Variants in PCDHGA7 observed in about 807,000 individuals in gnomAD.
PCDHGA7 encodes protocadherin gamma subfamily A, 7.
In PCDHGA7, 44 loss-of-function variants were observed where a neutral mutation model predicts 58.3. That is an observed-to-expected ratio of 0.75 (90% CI 0.59 to 0.97). The LOEUF is 0.97. Among genes scored for constraint, PCDHGA7 ranks in the 50% least tolerant of loss-of-function variants. PCDHGA7 has a pLI of 0.00. For missense variants in PCDHGA7, 1,266 were observed against 1,188.7 expected, an observed-to-expected ratio of 1.06 and a Z score of -0.96; for synonymous variants, 516 against 504.2, an observed-to-expected ratio of 1.02 and a Z score of -0.31.
At chr5:141,422,781 A>C (rs746943605) in intron 1 of PCDHGA7, 13 of 1,613,964 alleles carry the variant, frequency 8.1e-6, no homozygotes, top group African/African-American at 1.3e-5. Flanking sequence ...TCTATGCCCT[A>C]CAATCCTTCG....
chr5:141,509,572 G>T (rs955898202), intron 3 of PCDHGA7, among the ~76,000 whole-genome samples: 24 of 152,300 alleles, frequency 1.6e-4, no homozygotes, highest in Middle Eastern at 3.4e-3. Context: ...CCTTCACAGT[G>T]CGTACAAATC....
At chr5:141,427,700 C>A in intron 1 of PCDHGA7, 3 of 945,490 alleles carry the variant, frequency 3.2e-6, no homozygotes, top group South Asian at 2.7e-5. Flanking sequence ...TCCCACAAGT[C>A]AGCGCCTCTG....
At position 141,383,343 on chromosome 5, in the gene PCDHGA7, T is replaced by TG. The variant is rs760440635; in HGVS notation, c.448dup (p.Val150GlyfsTer39). ...TAAAAATAATGGAGAATACAGCTCC[T>TG]GGGGTTCGGTTTCCGTTAAGCGAGG... is the stretch of plus-strand genomic sequence containing the variant. On this transcript the variant is annotated frameshift_variant, in exon 1 of 4. Transcript: ENST00000518325. LOFTEE classifies it high-confidence loss of function. The TG allele has an allele frequency of 1.2e-6, 2 of 1,613,888 alleles. No homozygotes were observed. The highest frequency in any genetic ancestry group is 1.7e-6 in the Non-Finnish European group (2 of 1,179,908).
At chr5:141,421,829 T>G in intron 1 of PCDHGA7, 5 of 1,613,784 alleles carry the variant, frequency 3.1e-6, no homozygotes, top group Non-Finnish European at 4.2e-6. Context: ...GAGGGAAGCC[T>G]GGACCGAGAG....
intron 1 of PCDHGA7, among the ~76,000 whole-genome samples, chr5:141,444,476 C>A (rs1228271706): frequency 6.6e-6 from 1 of 152,088 alleles, no homozygotes; most frequent in Non-Finnish European, 1.5e-5. Flanking sequence ...CGGTCGCGTA[C>A]TGGATTTATA....
chr5:141,426,711 G>C, intron 1 of PCDHGA7: 1 of 444,496 alleles, frequency 2.2e-6, no homozygotes, highest in Non-Finnish European at 4.6e-6. Flanking sequence ...ACAAATCAAT[G>C]AACTAGCAAT....
At chr5:141,502,739 A>C (rs1287180048) in intron 2 of PCDHGA7, among the ~76,000 whole-genome samples, 1 of 152,070 alleles carries the variant, frequency 6.6e-6, no homozygotes, top group Non-Finnish European at 1.5e-5. Flanking sequence ...ATGTTCTGTC[A>C]TTCCTTCTAC....
intron 1 of PCDHGA7, chr5:141,416,834 C>T (rs966016844): frequency 4.6e-5 from 7 of 151,848 alleles, no homozygotes; most frequent in Non-Finnish European, 1.0e-4. Flanking sequence ...TTCTCAAGAC[C>T]CTTATAATTC....
intron 1 of PCDHGA7, among the ~76,000 whole-genome samples, chr5:141,449,753 C>T (rs1260240861): frequency 6.6e-6 from 1 of 151,246 alleles, no homozygotes; most frequent in East Asian, 1.9e-4. Context: ...ATTTTTATGA[C>T]ATTTGAGAGT....
Position 141,491,573 on chromosome 5 carries a change from T to G in PCDHGA7, c.2425-3234T>G. The G allele has an allele frequency of 6.2e-7, 1 of 1,613,912 alleles. No individual in the cohort carries two copies. The highest frequency in any genetic ancestry group is 8.5e-7 in the Non-Finnish European group (1 of 1,180,030). The stretch of plus-strand genomic sequence containing the variant: ...CAGAGCCACTGCTACAGGACGTGCT[T>G]TTCACCGGCCTCGGACGGCAGTGAC... On this transcript the variant is annotated intron_variant, in intron 1 of 3. Transcript: ENST00000518325. The surrounding 1 kb of genome is among the most constrained non-coding windows in gnomAD (Gnocchi z 6.9).
chr5:141,393,013 T>A (rs754075095), intron 1 of PCDHGA7: 1 of 1,613,694 alleles, frequency 6.2e-7, no homozygotes, highest in African/African-American at 1.3e-5. Context: ...GTCCGTATCG[T>A]CTCCAGAGGT....
Position 141,487,323 on chromosome 5 carries a change from G to T in PCDHGA7, c.2425-7484G>T. The T allele has an allele frequency of 6.2e-7, 1 of 1,614,100 alleles. No homozygotes were observed. The highest frequency in any genetic ancestry group is 8.5e-7 in the Non-Finnish European group (1 of 1,180,004). On this transcript the variant is annotated intron_variant, in intron 1 of 3. Coordinates refer to ENST00000518325, the MANE Select transcript of PCDHGA7 (RefSeq NM_018920.4). This position sits in a 1 kb window ranked among gnomAD's most constrained non-coding sequence, Gnocchi z 5.0. ...GTGGCACTACTCTCTAAGTGTCTTC[G>T]TGGGGCAGCCTGTGGAGTCACATGC... is the stretch of plus-strand genomic sequence containing the variant.
At chr5:141,408,059 C>T in intron 1 of PCDHGA7, 1 of 1,317,324 alleles carries the variant, frequency 7.6e-7, no homozygotes, top group Non-Finnish European at 1.0e-6. Flanking sequence ...AGCCTCCCGG[C>T]TGCGCAGACC....
intron 1 of PCDHGA7, among the ~76,000 whole-genome samples, chr5:141,433,974 C>A (rs1045247496): frequency 6.6e-6 from 1 of 152,026 alleles, no homozygotes; most frequent in Non-Finnish European, 1.5e-5. Context: ...GGCTTTCTAC[C>A]TTGAAGAAGA....
Position 141,490,958 on chromosome 5 carries a change from A to T in PCDHGA7, c.2425-3849A>T, listed in dbSNP as rs771797392. 4.6e-5 allele frequency: 74 copies of T among 1,613,610 alleles called. No individual in the cohort carries two copies. The highest frequency in any genetic ancestry group is 1.6e-4 in the Middle Eastern group (1 of 6,084). ...CTGCACCCACGGCCAGACTGGGAAC[A>T]CTCAGCCCCCCAGCGTCTCCCTCGC... On this transcript the variant is annotated intron_variant, in intron 1 of 3. Coordinates refer to ENST00000518325, the MANE Select transcript of PCDHGA7 (RefSeq NM_018920.4). This position sits in a 1 kb window ranked among gnomAD's most constrained non-coding sequence, Gnocchi z 5.4.
intron 1 of PCDHGA7, among the ~76,000 whole-genome samples, chr5:141,453,080 A>T (rs1323212808): frequency 6.6e-6 from 1 of 151,960 alleles, no homozygotes; most frequent in Non-Finnish European, 1.5e-5. Context: ...ACTCTGGTTG[A>T]TTAGTATATT....
intron 1 of PCDHGA7, among the ~76,000 whole-genome samples, chr5:141,433,847 A>C (rs979302028): frequency 6.6e-6 from 1 of 151,976 alleles, no homozygotes; most frequent in South Asian, 2.1e-4. Context: ...CAAAAAAAAA[A>C]AAAAAAAACT....
intron 1 of PCDHGA7, chr5:141,400,715 T>C: frequency 1.5e-6 from 1 of 682,576 alleles, no homozygotes; most frequent in Non-Finnish European, 2.4e-6. Context: ...AGTAGCCTTA[T>C]AGATTTACAA....
At chr5:141,443,392 T>A (rs151260637) in intron 1 of PCDHGA7, among the ~76,000 whole-genome samples, 1 of 151,662 alleles carries the variant, frequency 6.6e-6, no homozygotes, top group Non-Finnish European at 1.5e-5. Context: ...GGCTGAGGTG[T>A]GAGGATCACC....
Sources: gnomAD v4.1 joint callset for allele counts (sites outside exome capture counted in the v4.1 genomes callset) on GRCh38, gnomAD v4.1.1 for gene constraint, Gnocchi (gnomAD v3.1) non-coding constraint, MANE v1.5 for transcripts, NCBI Gene and HGNC (gene_info 2026-07-23, HGNC 2026-07-21) for gene names.